The following ITM2B variants were observed in gnomAD, a reference collection of about 807,000 sequenced individuals.
The protein encoded by ITM2B is integral membrane protein 2B.
Under a neutral mutation model 27.8 loss-of-function variants are expected in ITM2B, and 11 were observed. That is an observed-to-expected ratio of 0.40 (90% CI 0.25 to 0.66). ITM2B has a LOEUF of 0.66. Among genes scored for constraint, ITM2B ranks in the 30% least tolerant of loss-of-function variants. The pLI is 0.43. For missense variants in ITM2B, 296 were observed against 328.9 expected, an observed-to-expected ratio of 0.90 and a Z score of 0.77; for synonymous variants, 114 against 114.3, an observed-to-expected ratio of 1.00 and a Z score of 0.02.
intron 1 of ITM2B, among the ~76,000 whole-genome samples, chr13:48,236,802 A>C (rs1593387316): frequency 6.6e-6 from 1 of 152,236 alleles, no homozygotes; most frequent in Non-Finnish European, 1.5e-5. Flanking sequence ...ATCAGGCCAC[A>C]GAATAGCTTA....
intron 3 of ITM2B, 58 bp downstream of exon 3, chr13:48,256,441 G>A (rs1420391119): frequency 2.3e-6 from 3 of 1,305,350 alleles, no homozygotes; most frequent in Non-Finnish European, 3.3e-6. Context: ...TATGCTTTTT[G>A]TAGTTTTAAT....
Position 48,233,482 on chromosome 13 carries a change from G to C in ITM2B, c.117+5G>C. Reference sequence around the variant, plus strand: ...GCCGTCGCGGTGGACTGCAAGGTCCGAGCCCGGGGAGGTCGAGGAAGCGGG... The same window carrying C: ...GCCGTCGCGGTGGACTGCAAGGTCCCAGCCCGGGGAGGTCGAGGAAGCGGG... On this transcript the variant is annotated splice_donor_5th_base_variant and intron_variant, in intron 1 of 5. Coordinates refer to ENST00000647800, the MANE Select transcript of ITM2B (RefSeq NM_021999.5). 6.6e-7 allele frequency: 1 copy of C among 1,509,328 alleles called. No individual in the cohort carries two copies. The highest frequency in any genetic ancestry group is 8.9e-7 in the Non-Finnish European group (1 of 1,125,580). 93.5% of individuals were successfully genotyped at this position (1,509,328 alleles called of 1,614,324 possible).
chr13:48,239,411 G>A (rs908867941), intron 1 of ITM2B, among the ~76,000 whole-genome samples: 3 of 152,212 alleles, frequency 2.0e-5, no homozygotes, highest in South Asian at 2.1e-4. Flanking sequence ...GAGGCTGGTG[G>A]ATCACCTGAG....
intron 1 of ITM2B, among the ~76,000 whole-genome samples, chr13:48,248,444 A>T (rs1033223569): frequency 1.2e-4 from 19 of 152,166 alleles, no homozygotes; most frequent in African/African-American, 4.3e-4. Context: ...TCACTAGTTG[A>T]ATCTTTTTAG....
intron 1 of ITM2B, among the ~76,000 whole-genome samples, chr13:48,247,379 A>G (rs1951730686): frequency 1.3e-5 from 2 of 152,124 alleles, no homozygotes; most frequent in South Asian, 4.1e-4. Context: ...ATAATTTTTA[A>G]CACTAAGAGT....
intron 1 of ITM2B, among the ~76,000 whole-genome samples, chr13:48,246,783 A>G (rs925045416): frequency 6.6e-6 from 1 of 152,178 alleles, no homozygotes; most frequent in African/African-American, 2.4e-5. Context: ...GAAAAAAAAG[A>G]TAAGAGAGAA....
chr13:48,241,216 G>T (rs759060682), intron 1 of ITM2B, among the ~76,000 whole-genome samples: 2 of 152,082 alleles, frequency 1.3e-5, no homozygotes, highest in Non-Finnish European at 2.9e-5. Context: ...CCCCAGTAGG[G>T]CGTGGTGCGG....
At chr13:48,255,279 G>T (rs1011339128) in intron 2 of ITM2B, among the ~76,000 whole-genome samples, 1 of 151,888 alleles carries the variant, frequency 6.6e-6, no homozygotes, top group African/African-American at 2.4e-5. Flanking sequence ...GTGCGCGCAC[G>T]TGTACATGTA....
rs1305796965 is a variant in ITM2B, at chr13:48,266,101, T to G, written c.*4877T>G. On this transcript the variant is annotated 3_prime_UTR_variant, in exon 6 of 6. Coordinates refer to ENST00000647800, the MANE Select transcript of ITM2B (RefSeq NM_021999.5). The stretch of plus-strand genomic sequence containing the variant: ...TATATTTCCCAACCAGTTGTCTGAC[T>G]TTCTCCTCAGATCTCATCCCCATGG... The G allele has an allele frequency of 6.6e-6, 1 of 152,162 alleles. No individual in the cohort carries two copies. Among genetic ancestry groups the G allele is most frequent in the Admixed American group, 6.6e-5 (1 of 15,254 alleles). The allele number at this position is 152,162 out of a possible 1,614,324, so 9.4% of individuals were successfully genotyped here. A position where few individuals can be genotyped will look rare whatever the true frequency, so the allele number is the denominator to read the frequency against.
chr13:48,245,989 A>G (rs898866389), intron 1 of ITM2B, among the ~76,000 whole-genome samples: 1 of 152,142 alleles, frequency 6.6e-6, no homozygotes, highest in African/African-American at 2.4e-5. Flanking sequence ...CGTGTTAGCC[A>G]GGATGGTCTC....
chr13:48,253,775 A>T lies in ITM2B; in HGVS notation c.118-33A>T, dbSNP rs9332276. ...GAGCCTTCTGTTATTCTGTCTGGAG[A>T]TAAGATATTTAACTGTCTTTTTCAT... On this transcript the variant is annotated intron_variant, in intron 1 of 5. Transcript: ENST00000647800. 1.9e-3 allele frequency: 3,082 copies of T among 1,606,046 alleles called. 65 individuals carry two copies. In the African/African-American group the frequency reaches 0.036, roughly 19 times the overall value.
chr13:48,251,825 T>G (rs1051859713), intron 1 of ITM2B, among the ~76,000 whole-genome samples: 1 of 152,166 alleles, frequency 6.6e-6, no homozygotes, highest in Non-Finnish European at 1.5e-5. Context: ...ATTTCTTACC[T>G]CCTTAGATAT....
intron 1 of ITM2B, among the ~76,000 whole-genome samples, chr13:48,244,076 A>G (rs1383130339): frequency 1.3e-5 from 2 of 152,166 alleles, no homozygotes; most frequent in Non-Finnish European, 2.9e-5. Flanking sequence ...TCTGTAAATG[A>G]TGTATTGGAT....
intron 1 of ITM2B, among the ~76,000 whole-genome samples, chr13:48,250,807 A>G (rs1434306162): frequency 6.6e-6 from 1 of 152,186 alleles, no homozygotes; most frequent in East Asian, 1.9e-4. Context: ...GAAAAGTGAT[A>G]ATTAGGAATT....
At position 48,261,211 on chromosome 13, in the gene ITM2B, T is replaced by C. The variant is rs747798420; in HGVS notation, c.788T>C (p.Leu263Ser). 1.9e-6 allele frequency: 3 copies of C among 1,609,164 alleles called. No homozygotes were observed. The change falls in exon 6 of 6, where the codon TTA (leucine) becomes TCA (serine). Residue 263 changes from leucine to serine, a missense_variant. Coordinates refer to ENST00000647800, the MANE Select transcript of ITM2B (RefSeq NM_021999.5). ...GAAAACAAATTTGCCGTGGAAACTT[T>C]AATTTGTTCTTGAACAGTCAAGAAA... ...HFENKFAVET[L>S]ICS
In ITM2B at chr13:48,265,698, C is replaced by T. The variant is rs1951848665; in HGVS notation, c.*4474C>T. On this transcript the variant is annotated 3_prime_UTR_variant, in exon 6 of 6. Transcript: ENST00000647800. ...TACCACATTGCCTGACTTACTGTTT[C>T]TTGGTAAATGCTATTCTTACTTCCT... The T allele has an allele frequency of 6.6e-6, 1 of 152,462 alleles. No individual in the cohort carries two copies. Among genetic ancestry groups the T allele is most frequent in the South Asian group, 2.1e-4 (1 of 4,828 alleles). 9.4% of individuals were successfully genotyped at this position (152,462 alleles called of 1,614,324 possible).
At chr13:48,240,010 A>C (rs1459037080) in intron 1 of ITM2B, among the ~76,000 whole-genome samples, 1 of 152,174 alleles carries the variant, frequency 6.6e-6, no homozygotes, top group East Asian at 1.9e-4. Context: ...CACTAGCAGA[A>C]TTCAGGTTAT....
intron 1 of ITM2B, among the ~76,000 whole-genome samples, chr13:48,237,424 G>A (rs533834636): frequency 1.3e-5 from 2 of 152,316 alleles, no homozygotes; most frequent in South Asian, 4.1e-4. Flanking sequence ...TCCCTGACAG[G>A]ACACTGCTGT....
At chr13:48,252,157 G>A (rs1054851367) in intron 1 of ITM2B, among the ~76,000 whole-genome samples, 2 of 152,170 alleles carry the variant, frequency 1.3e-5, no homozygotes, top group African/African-American at 2.4e-5. Flanking sequence ...ACACTGTATC[G>A]TATCACATTG....
Sources: allele counts gnomAD v4.1 joint callset (sites outside exome capture counted in the v4.1 genomes callset), GRCh38; gene constraint gnomAD v4.1.1; transcripts MANE v1.5; gene names NCBI Gene and HGNC (gene_info 2026-07-23, HGNC 2026-07-21).